AGO2: variants seen among roughly 807,000 people sequenced by gnomAD.
AGO2 encodes the protein protein argonaute-2.
In AGO2, 5 loss-of-function variants were observed where a neutral mutation model predicts 102.3. That is an observed-to-expected ratio of 0.05 (90% CI 0.03 to 0.10). The LOEUF (loss-of-function observed/expected upper bound fraction) is 0.10, where lower values mean the gene tolerates loss of function less well. Among genes scored for constraint, AGO2 ranks in the 10% least tolerant of loss-of-function variants. AGO2 has a pLI of 1.00. For synonymous variants in AGO2, 449 were observed against 473.1 expected, an observed-to-expected ratio of 0.95 and a Z score of 0.66; for missense variants, 541 against 1,183.7, an observed-to-expected ratio of 0.46 and a Z score of 7.97.
At chr8:140,566,752 C>T (rs1430257211) in intron 3 of AGO2, among the ~76,000 whole-genome samples, 1 of 152,142 alleles carries the variant, frequency 6.6e-6, no homozygotes, top group Non-Finnish European at 1.5e-5. Flanking sequence ...GAAAGGGAGA[C>T]AGAGTCTCTA....
intron 1 of AGO2, among the ~76,000 whole-genome samples, chr8:140,603,798 AC>A (rs1366305749): frequency 6.6e-6 from 1 of 151,896 alleles, no homozygotes; most frequent in Admixed American, 6.6e-5. Context: ...TTGTGTCTTC[AC>A]CCTCCACCCT....
chr8:140,572,882 T>A lies in AGO2; in HGVS notation c.266A>T (p.Asp89Val). 6.2e-7 allele frequency: 1 copy of A among 1,614,120 alleles called. No individual in the cohort carries two copies. Among genetic ancestry groups the A allele is most frequent in the Non-Finnish European group, 8.5e-7 (1 of 1,180,006 alleles). ...CCTGCCGTCAAACACGGGCTTCCGA[T>A]CCCCAAAGATCTGTGTTTTAAAGTG... ...VQHFKTQIFG[D>V]RKPVFDGRKN... The change falls in exon 3 of 19, where the codon GAT becomes GTT. Residue 89 changes from aspartate to valine, a missense_variant. Transcript: ENST00000220592.
intron 2 of AGO2, among the ~76,000 whole-genome samples, chr8:140,573,192 G>A (rs1020861835): frequency 9.3e-5 from 14 of 151,070 alleles, no homozygotes; most frequent in African/African-American, 3.2e-4. Flanking sequence ...TTTTTGAGAC[G>A]GAGTTTCGCT....
rs1402927337 is a variant in AGO2, at chr8:140,529,010, G to A, written c.*3034C>T. ...CAGGAAGAGTCCCAGTACAGAAATC[G>A]AATTGGGAGACCTCTTTTAAAGAGA... On this transcript the variant is annotated 3_prime_UTR_variant, in exon 19 of 19. Coordinates refer to ENST00000220592, the MANE Select transcript of AGO2 (RefSeq NM_012154.5). 6.6e-6 allele frequency: 1 copy of A among 152,228 alleles called. No homozygotes were observed. Among genetic ancestry groups the A allele is most frequent in the East Asian group, 1.9e-4 (1 of 5,202 alleles). The allele number at this position is 152,228 out of a possible 1,614,324, so 9.4% of individuals were successfully genotyped here.
chr8:140,549,014 C>T, intron 12 of AGO2, 100 bp downstream of exon 12: 2 of 1,421,032 alleles, frequency 1.4e-6, no homozygotes, highest in South Asian at 2.8e-5. Context: ...AAAGGAGCAC[C>T]TTTCTCAGTG....
intron 3 of AGO2, among the ~76,000 whole-genome samples, chr8:140,569,530 A>C (rs1352071579): frequency 4.6e-5 from 7 of 152,064 alleles, no homozygotes; most frequent in Admixed American, 4.6e-4. Context: ...ACCTTCCTAA[A>C]TTTTCTATTC....
chr8:140,593,692 C>A (rs1368575611), intron 1 of AGO2, among the ~76,000 whole-genome samples: 2 of 151,970 alleles, frequency 1.3e-5, no homozygotes, highest in East Asian at 3.8e-4. Flanking sequence ...GCAATGGCCA[C>A]CACCATTGTG....
chr8:140,597,231 G>A (rs2073858788), intron 1 of AGO2, among the ~76,000 whole-genome samples: 2 of 152,206 alleles, frequency 1.3e-5, no homozygotes, highest in South Asian at 4.1e-4. Context: ...ATCTGCAGAG[G>A]TGGCAGGAAA....
intron 1 of AGO2, among the ~76,000 whole-genome samples, chr8:140,617,481 G>T (rs998600884): frequency 6.6e-6 from 1 of 152,122 alleles, no homozygotes; most frequent in Non-Finnish European, 1.5e-5. Flanking sequence ...TTGAACTCCT[G>T]ACCTCAAGTG....
intron 1 of AGO2, among the ~76,000 whole-genome samples, chr8:140,624,320 T>C (rs1425822309): frequency 6.6e-6 from 1 of 152,146 alleles, no homozygotes; most frequent in Non-Finnish European, 1.5e-5. Flanking sequence ...AGTCCCCATT[T>C]GTAGAAGTGG....
At chr8:140,554,711 G>C (rs2073064103) in intron 10 of AGO2, among the ~76,000 whole-genome samples, 1 of 151,666 alleles carries the variant, frequency 6.6e-6, no homozygotes, top group Non-Finnish European at 1.5e-5. Flanking sequence ...TTTATTTTTT[G>C]AGACAAGTCT....
Position 140,544,277 on chromosome 8 carries a change from A to G in AGO2, c.1775T>C (p.Ile592Thr). Residue 592 changes from isoleucine to threonine, a missense_variant, in exon 14 of 19, where the codon ATC becomes ACC. This residue lies in a region of AGO2 where 309 missense variants were observed against 735.1 expected (regional missense o/e 0.42). Coordinates refer to ENST00000220592, the MANE Select transcript of AGO2 (RefSeq NM_012154.5). ...GTGAGTGACGTCTGCTCCCAGAAAGATGACGGGCTGCTGGAACACCGGCGG... is the reference window on the plus strand; with the variant it reads ...GTGAGTGACGTCTGCTCCCAGAAAGGTGACGGGCTGCTGGAACACCGGCGG... ...GRPPVFQQPVIFLGADVTHPP... is the reference protein window; with the variant it reads ...GRPPVFQQPVTFLGADVTHPP... 1.2e-6 allele frequency: 2 copies of G among 1,603,612 alleles called. No individual in the cohort carries two copies. Among genetic ancestry groups the G allele is most frequent in the Non-Finnish European group, 8.5e-7 (1 of 1,175,798 alleles).
At chr8:140,588,058 C>T (rs951624663) in intron 1 of AGO2, among the ~76,000 whole-genome samples, 2 of 152,172 alleles carry the variant, frequency 1.3e-5, no homozygotes, top group African/African-American at 2.4e-5. Context: ...AAGGAGTAAT[C>T]GAGGTTCCAC....
chr8:140,568,945 C>G (rs1427064126), intron 3 of AGO2, among the ~76,000 whole-genome samples: 1 of 152,186 alleles, frequency 6.6e-6, no homozygotes, highest in African/African-American at 2.4e-5. Flanking sequence ...GATGCTTGCG[C>G]CAGGCCCAGG....
At chr8:140,576,831 G>A (rs993208644) in intron 2 of AGO2, among the ~76,000 whole-genome samples, 6 of 152,138 alleles carry the variant, frequency 3.9e-5, no homozygotes, top group Admixed American at 1.3e-4. Context: ...ATCAGCTGAT[G>A]AGTGGACAAA....
At chr8:140,577,297 T>C (rs919067373) in intron 2 of AGO2, among the ~76,000 whole-genome samples, 3 of 150,260 alleles carry the variant, frequency 2.0e-5, no homozygotes, top group Non-Finnish European at 4.4e-5. Context: ...ATTCCACGTA[T>C]AGGAAACCCT....
chr8:140,639,692 G>C (rs2074430134), upstream of AGO2, among the ~76,000 whole-genome samples: 1 of 152,182 alleles, frequency 6.6e-6, no homozygotes, highest in Non-Finnish European at 1.5e-5. Context: ...AGGATTGCTT[G>C]AGCCCAGGAG....
At chr8:140,543,472 T>G (rs548272342) in intron 14 of AGO2, among the ~76,000 whole-genome samples, 1 of 152,244 alleles carries the variant, frequency 6.6e-6, no homozygotes, top group African/African-American at 2.4e-5. Context: ...TTTTTCTTTT[T>G]TGAGAGAAAA....
intron 3 of AGO2, among the ~76,000 whole-genome samples, chr8:140,569,911 G>C (rs1389176300): frequency 6.6e-6 from 1 of 152,210 alleles, no homozygotes; most frequent in East Asian, 1.9e-4. Context: ...AGAGCCGCCA[G>C]AGTCCCCACG....
Sources: allele counts gnomAD v4.1 joint callset (sites outside exome capture counted in the v4.1 genomes callset), GRCh38; gene constraint gnomAD v4.1.1; regional missense constraint gnomAD v4.1.1; transcripts MANE v1.5; gene names NCBI Gene and HGNC (gene_info 2026-07-23, HGNC 2026-07-21).